ATP8A2: variants seen among roughly 807,000 people sequenced by gnomAD.
The protein encoded by ATP8A2 is phospholipid-transporting ATPase IB.
A neutral mutation model predicts 165.6 loss-of-function variants in ATP8A2; 100 were observed. The ratio of observed to expected loss-of-function variants is 0.60; its 90% confidence interval spans 0.51 to 0.71. The LOEUF (loss-of-function observed/expected upper bound fraction) is 0.71, where lower values mean the gene tolerates loss of function less well. Ranked by LOEUF, ATP8A2 falls within the 30% of genes least tolerant of loss-of-function variation. The pLI is 0.00. For missense variants in ATP8A2, 1,227 were observed against 1,479.5 expected (o/e 0.83, Z 2.80); for synonymous variants, 543 against 548.8 (o/e 0.99, Z 0.15).
intron 24 of ATP8A2, chr13:25,648,880 G>T: frequency 1.0e-5 from 4 of 392,790 alleles, no homozygotes; most frequent in Non-Finnish European, 2.0e-5. Flanking sequence ...TCTGCTGTTG[G>T]TTGAATCCAC....
intron 10 of ATP8A2, among the ~76,000 whole-genome samples, chr13:25,550,719 TC>T (rs1212122319): frequency 6.6e-6 from 1 of 152,162 alleles, no homozygotes; most frequent in East Asian, 1.9e-4. Flanking sequence ...TCCAGGCCCT[TC>T]CTGACTCTTC....
intron 30 of ATP8A2, among the ~76,000 whole-genome samples, chr13:25,852,016 T>C (rs1009890548): frequency 5.3e-5 from 8 of 152,168 alleles, no homozygotes; most frequent in Admixed American, 1.3e-4. Flanking sequence ...CTTCTTCATA[T>C]TGGTTCTCTC....
intron 24 of ATP8A2, among the ~76,000 whole-genome samples, chr13:25,600,321 C>A (rs1186124608): frequency 6.6e-6 from 1 of 152,180 alleles, no homozygotes; most frequent in Admixed American, 6.5e-5. Context: ...CTCTGCCCCT[C>A]TCCTGCTGGC....
chr13:25,836,460 T>C (rs1431043726), intron 28 of ATP8A2, among the ~76,000 whole-genome samples: 1 of 152,202 alleles, frequency 6.6e-6, no homozygotes, highest in East Asian at 1.9e-4. Context: ...GTCTAATACC[T>C]TGCAGGTCAG....
intron 27 of ATP8A2, among the ~76,000 whole-genome samples, chr13:25,783,349 T>C (rs965760860): frequency 6.6e-6 from 1 of 152,216 alleles, no homozygotes; most frequent in Admixed American, 6.5e-5. Context: ...AAGTTTCCCA[T>C]TGGACAATTG....
intron 1 of ATP8A2, among the ~76,000 whole-genome samples, chr13:25,447,772 C>T (rs1011906434): frequency 5.9e-5 from 9 of 152,058 alleles, no homozygotes; most frequent in South Asian, 4.2e-4. Context: ...CACATGGACT[C>T]GAAGGATGGT....
intron 1 of ATP8A2, among the ~76,000 whole-genome samples, chr13:25,407,157 C>T (rs73168566): frequency 0.015 from 2,234 of 152,276 alleles, 23 homozygotes; most frequent in Non-Finnish European, 0.023. Context: ...AGAAAAGATT[C>T]TATCATTAAA....
chr13:25,577,473 T>C (rs1266398153), intron 20 of ATP8A2, among the ~76,000 whole-genome samples: 1 of 152,232 alleles, frequency 6.6e-6, no homozygotes, highest in African/African-American at 2.4e-5. Flanking sequence ...TAATTTGTGT[T>C]GACCTATGAT....
intron 27 of ATP8A2, among the ~76,000 whole-genome samples, chr13:25,820,219 T>G (rs1040619514): frequency 6.6e-6 from 1 of 152,184 alleles, no homozygotes; most frequent in Admixed American, 6.6e-5. Flanking sequence ...CAGGCAGCAG[T>G]TAAAGCAAAG....
chr13:25,874,544 A>T (rs530358449), intron 33 of ATP8A2, among the ~76,000 whole-genome samples: 3 of 152,350 alleles, frequency 2.0e-5, no homozygotes, highest in South Asian at 2.1e-4. Context: ...TCTTAGAAAC[A>T]CAAGAACAGA....
chr13:25,875,018 C>CAAAT (rs1413527272), intron 33 of ATP8A2, among the ~76,000 whole-genome samples: 2 of 151,842 alleles, frequency 1.3e-5, no homozygotes, highest in Admixed American at 1.3e-4. Context: ...TCACAAAAGG[C>CAAAT]AAATACTCTA....
chr13:25,787,603 C>CA (rs1445828467), intron 27 of ATP8A2, among the ~76,000 whole-genome samples: 1 of 152,220 alleles, frequency 6.6e-6, no homozygotes, highest in Non-Finnish European at 1.5e-5. Flanking sequence ...TTTCCTTATT[C>CA]AGCGTTGCTG....
At position 25,408,327 on chromosome 13, in the gene ATP8A2, A is replaced by G. The variant is rs998335296; in HGVS notation, c.76+36039A>G. Among the ~76,000 whole-genome samples, 5 of 151,210 alleles carry G rather than the reference A, an allele frequency of 3.3e-5. No homozygotes were observed. In the East Asian group the frequency reaches 9.8e-4, roughly 30 times the overall value. Reference sequence around the variant, plus strand: ...GGGTTTGCTTGAACCCAGGAGGCGGAGGTTGCAGTGAGCCGAGATTGTGCC... The same window carrying G: ...GGGTTTGCTTGAACCCAGGAGGCGGGGGTTGCAGTGAGCCGAGATTGTGCC... On this transcript the variant is annotated intron_variant, in intron 1 of 36. Coordinates refer to ENST00000381655, the MANE Select transcript of ATP8A2 (RefSeq NM_016529.6).
intron 35 of ATP8A2, among the ~76,000 whole-genome samples, chr13:26,002,148 A>T (rs904619603): frequency 1.3e-5 from 2 of 152,206 alleles, no homozygotes; most frequent in Admixed American, 1.3e-4. Flanking sequence ...GTGATGAGAC[A>T]TTTGAAATTT....
chr13:25,701,907 C>T (rs2042959428), intron 25 of ATP8A2, among the ~76,000 whole-genome samples: 1 of 152,042 alleles, frequency 6.6e-6, no homozygotes, highest in Non-Finnish European at 1.5e-5. Flanking sequence ...TTACAGTCTA[C>T]AAAATGGAAG....
chr13:25,770,006 C>A (rs1233606145), intron 26 of ATP8A2, among the ~76,000 whole-genome samples: 1 of 152,144 alleles, frequency 6.6e-6, no homozygotes, highest in African/African-American at 2.4e-5. Flanking sequence ...CTGAGACCAC[C>A]TTTGCAAAAT....
intron 25 of ATP8A2, among the ~76,000 whole-genome samples, chr13:25,716,987 G>A (rs1185628303): frequency 4.6e-5 from 7 of 152,166 alleles, no homozygotes; most frequent in African/African-American, 9.7e-5. Flanking sequence ...CCGACTCAGA[G>A]GCAGGTTGGC....
chr13:25,663,494 G>A lies in ATP8A2; in HGVS notation c.2212-35679G>A, dbSNP rs979592878. On this transcript the variant is annotated intron_variant, in intron 24 of 36. Coordinates refer to ENST00000381655, the MANE Select transcript of ATP8A2 (RefSeq NM_016529.6). ...TTGACACCTGATGTAATATTCACAC[G>A]GCCTCATCATCCATCATCTTTTGTG... 7.2e-5 allele frequency among the ~76,000 whole-genome samples: 11 copies of A among 152,046 alleles called. No individual in the cohort carries two copies. In the East Asian group the frequency reaches 7.7e-4, roughly 11 times the overall value.
intron 1 of ATP8A2, among the ~76,000 whole-genome samples, chr13:25,439,271 G>T (rs1047533014): frequency 2.6e-5 from 4 of 152,190 alleles, no homozygotes; most frequent in Admixed American, 2.6e-4. Context: ...TGCCTGCAGG[G>T]TGTGCCTAAT....
Sources: gnomAD v4.1 joint callset for allele counts (sites outside exome capture counted in the v4.1 genomes callset) on GRCh38, gnomAD v4.1.1 for gene constraint, MANE v1.5 for transcripts, NCBI Gene and HGNC (gene_info 2026-07-23, HGNC 2026-07-21) for gene names.